ANKRD36C: variants seen among roughly 807,000 people sequenced by gnomAD.
The protein encoded by ANKRD36C is ankyrin repeat domain 36C, also known as ankyrin repeat domain-containing protein 36C.
In ANKRD36C, 61 loss-of-function variants were observed where a neutral mutation model predicts 276.4. The observed-to-expected ratio is 0.22, with a 90% CI of 0.18 to 0.27. The LOEUF is 0.27. ANKRD36C is among the 10% of genes least tolerant of loss of function. The probability of loss-of-function intolerance (pLI) is 1.00; values close to 1 mark genes in which losing one functional copy is unlikely to be tolerated. For missense variants in ANKRD36C, 1,447 were observed against 2,032.3 expected, an observed-to-expected ratio of 0.71 and a Z score of 5.54; for synonymous variants, 483 against 680.1, an observed-to-expected ratio of 0.71 and a Z score of 4.51.
chr2:95,856,402 A>G lies in ANKRD36C; in HGVS notation c.4081-222T>C, dbSNP rs528124036. ...TGAAGACAGTGAATCCATGAAAGCAAAAAAGAAACCACTAGATAATTTTTT... is the reference window on the plus strand; with the variant it reads ...TGAAGACAGTGAATCCATGAAAGCAGAAAAGAAACCACTAGATAATTTTTT... On this transcript the variant is annotated intron_variant, in intron 62 of 66. Coordinates refer to ENST00000456556, the Ensembl canonical transcript of ANKRD36C. Among the ~76,000 whole-genome samples, 58 of 152,196 alleles carry G rather than the reference A, an allele frequency of 3.8e-4. 1 individual carries two copies. Among genetic ancestry groups the G allele is most frequent in the Non-Finnish European group, 6.2e-4 (42 of 68,040 alleles).
At position 95,912,444 on chromosome 2, in the gene ANKRD36C, C is replaced by A. The variant is rs546747246; in HGVS notation, c.2552-9G>T. On this transcript the variant is annotated splice_polypyrimidine_tract_variant and intron_variant, in intron 40 of 66. Coordinates refer to ENST00000456556, the Ensembl canonical transcript of ANKRD36C. ...TTTTTTCCGAGAAGACACTGAAAAGCAAAAGGGATACATAATCACTCACAC... is the reference window on the plus strand; with the variant it reads ...TTTTTTCCGAGAAGACACTGAAAAGAAAAAGGGATACATAATCACTCACAC... 79 of 1,605,084 alleles carry A rather than the reference C, an allele frequency of 4.9e-5. No individual in the cohort carries two copies. Among genetic ancestry groups the A allele is most frequent in the Non-Finnish European group, 6.5e-5 (77 of 1,177,752 alleles).
chr2:95,879,821 T>G (rs1233602693), intron 58 of ANKRD36C, among the ~76,000 whole-genome samples: 1 of 149,032 alleles, frequency 6.7e-6, no homozygotes, highest in Non-Finnish European at 1.5e-5. Flanking sequence ...CGCTAAAAAC[T>G]ATTGAAATTC....
chr2:95,853,926 T>C (rs1675351000), intron 63 of ANKRD36C, 65 bp from the exon 84 acceptor site: 1 of 1,532,828 alleles, frequency 6.5e-7, no homozygotes, highest in Admixed American at 2.0e-5. Context: ...ATTAATAATA[T>C]TTAACTCTAA....
chr2:95,943,301 G>A (rs1677945458), intron 19 of ANKRD36C, among the ~76,000 whole-genome samples: 1 of 152,258 alleles, frequency 6.6e-6, no homozygotes, highest in South Asian at 2.1e-4. Context: ...GGCTAACACA[G>A]TGAAACCCCG....
Position 95,897,098 on chromosome 2 carries a change from C to T in ANKRD36C, c.2755+2047G>A, listed in dbSNP as rs71234878. The stretch of plus-strand genomic sequence containing the variant: ...GTGTATAATCTTACGGCGAAGATCA[C>T]GTTCCAGACCAGCAGCATCATCATC... On this transcript the variant is annotated intron_variant, in intron 44 of 66. Transcript: ENST00000456556. Among the ~76,000 whole-genome samples, 131 of 150,414 alleles carry T rather than the reference C, an allele frequency of 8.7e-4. 2 individuals carry two copies. The highest frequency in any genetic ancestry group is 3.4e-3 in the Middle Eastern group (1 of 294).
rs531189328 is a variant in ANKRD36C at position 95,983,895 on chromosome 2, C to T, written c.487-1533G>A. ...CCTCCCAAAGTGCTAGGATTACAGG[C>T]GTGAGCCACTGCGCTCGGCCAATTA... On this transcript the variant is annotated intron_variant, in intron 3 of 66. Coordinates refer to ENST00000456556, the Ensembl canonical transcript of ANKRD36C. 1.3e-4 allele frequency among the ~76,000 whole-genome samples: 19 copies of T among 151,604 alleles called. No individual in the cohort carries two copies. The East Asian group carries it at 3.1e-3, about 25-fold the overall frequency.
intron 10 of ANKRD36C, among the ~76,000 whole-genome samples, chr2:95,959,192 T>C (rs938135334): frequency 5.3e-5 from 8 of 152,250 alleles, no homozygotes; most frequent in Admixed American, 3.3e-4. Context: ...TTTATACCAT[T>C]ATACTACAAA....
At chr2:95,848,950 TAATA>T (rs1045335560), downstream of ANKRD36C, 10 of 414,808 alleles carry the variant, frequency 2.4e-5, no homozygotes, top group South Asian at 8.8e-5. Context: ...TATTTTCATT[TAATA>T]AATACTTTTG....
exon 40 of ANKRD36C, chr2:95,914,131 T>C (rs1361307268): frequency 1.3e-6 from 2 of 1,578,080 alleles, no homozygotes; most frequent in Non-Finnish European, 1.7e-6. Context: ...TTCTCCATCC[T>C]CTTTTCCTCT....
At chr2:95,955,034 C>T (rs898597328) in intron 13 of ANKRD36C, among the ~76,000 whole-genome samples, 1 of 152,294 alleles carries the variant, frequency 6.6e-6, no homozygotes, top group African/African-American at 2.4e-5. Flanking sequence ...CCACCCCAAG[C>T]ATATGCATGT....
At chr2:95,963,333 C>A (rs1678503132) in intron 6 of ANKRD36C, among the ~76,000 whole-genome samples, 1 of 151,976 alleles carries the variant, frequency 6.6e-6, no homozygotes, top group African/African-American at 2.4e-5. Flanking sequence ...GGAAATGACT[C>A]CAATATTCAT....
At chr2:95,856,885 C>G (rs1675426165) in intron 62 of ANKRD36C, among the ~76,000 whole-genome samples, 1 of 152,020 alleles carries the variant, frequency 6.6e-6, no homozygotes, top group South Asian at 2.1e-4. Flanking sequence ...TATATACATA[C>G]AAAAATAATC....
chr2:95,972,034 A>C (rs1678711162), intron 6 of ANKRD36C, among the ~76,000 whole-genome samples: 1 of 152,208 alleles, frequency 6.6e-6, no homozygotes, highest in Admixed American at 6.5e-5. Flanking sequence ...ATCAAATAGA[A>C]TTTTTAAGAC....
chr2:95,916,237 A>G, intron 36 of ANKRD36C, 66 bp from the exon 39 acceptor site: 5 of 1,592,854 alleles, frequency 3.1e-6, no homozygotes, highest in Admixed American at 1.7e-5. Context: ...ATACATTCAC[A>G]CAGTGTTAGC....
chr2:95,876,644 G>T, intron 58 of ANKRD36C, 132 bp from the exon 79 acceptor site: 1 of 614,796 alleles, frequency 1.6e-6, no homozygotes, highest in South Asian at 1.9e-5. Context: ...GAGGTCAGGA[G>T]ATCGAGACCA....
chr2:95,850,097 TGAAAA>T (rs1675258635), downstream of ANKRD36C, among the ~76,000 whole-genome samples: 1 of 152,296 alleles, frequency 6.6e-6, no homozygotes, highest in Non-Finnish European at 1.5e-5. Flanking sequence ...TTAATAAGAA[TGAAAA>T]ATATGTACAA....
chr2:95,948,544 C>T, exon 17 of ANKRD36C: 1 of 1,535,436 alleles, frequency 6.5e-7, no homozygotes, highest in Non-Finnish European at 8.7e-7. Context: ...GATTCCAAAG[C>T]AAACTTATCC....
At chr2:95,975,508 G>C (rs1298858132) in intron 6 of ANKRD36C, among the ~76,000 whole-genome samples, 1 of 152,072 alleles carries the variant, frequency 6.6e-6, no homozygotes, top group African/African-American at 2.4e-5. Flanking sequence ...ACAAACCTGA[G>C]AAAAACAAGC....
In ANKRD36C at chr2:95,884,406, C is replaced by A. The variant is rs375580710; in HGVS notation, c.3164-38G>T. On this transcript the variant is annotated intron_variant, in intron 52 of 66. Coordinates refer to ENST00000456556, the Ensembl canonical transcript of ANKRD36C. The stretch of plus-strand genomic sequence containing the variant: ...AGGGATACATAATCACCCACATGCA[C>A]GTATGATAAAGTTATTCATACATTC... The A allele has an allele frequency of 1.1e-5, 18 of 1,609,970 alleles. No homozygotes were observed. The Admixed American group carries it at 1.7e-4, about 15-fold the overall frequency.
Sources: gnomAD v4.1 joint callset for allele counts (sites outside exome capture counted in the v4.1 genomes callset) on GRCh38, gnomAD v4.1.1 for gene constraint, MANE v1.5 for transcripts, NCBI Gene and HGNC (gene_info 2026-07-23, HGNC 2026-07-21) for gene names.